Variants in BAZ1A observed in about 807,000 individuals in gnomAD.
BAZ1A encodes the protein bromodomain adjacent to zinc finger domain 1A.
In BAZ1A, 50 loss-of-function variants were observed where a neutral mutation model predicts 185.2. The observed-to-expected ratio is 0.27, with a 90% confidence interval of 0.22 to 0.34. BAZ1A has a LOEUF of 0.34. BAZ1A is among the 10% of genes least tolerant of loss of function. BAZ1A has a pLI of 1.00. For synonymous variants in BAZ1A, 571 were observed against 615.6 expected (o/e 0.93, Z 1.07); for missense variants, 1,356 against 1,839.9 (o/e 0.74, Z 4.81).
chr14:34,828,070 G>A (rs1420428853), intron 3 of BAZ1A, among the ~76,000 whole-genome samples: 4 of 151,998 alleles, frequency 2.6e-5, no homozygotes, highest in East Asian at 1.9e-4. Flanking sequence ...CGAGGCGGGC[G>A]GATCACCTGA....
At chr14:34,866,509 A>C (rs2042863807) in intron 2 of BAZ1A, among the ~76,000 whole-genome samples, 1 of 141,424 alleles carries the variant, frequency 7.1e-6, no homozygotes, top group Non-Finnish European at 1.6e-5. Context: ...AAAAGAAAAA[A>C]GTTCTAACTT....
intron 4 of BAZ1A, among the ~76,000 whole-genome samples, chr14:34,823,637 G>A (rs1949737882): frequency 1.3e-5 from 2 of 152,004 alleles, no homozygotes; most frequent in Non-Finnish European, 2.9e-5. Flanking sequence ...CTCCAGCCTG[G>A]GCAACAAGAG....
intron 3 of BAZ1A, among the ~76,000 whole-genome samples, chr14:34,828,393 CTT>C (rs942790898): frequency 2.6e-5 from 4 of 152,026 alleles, no homozygotes; most frequent in Non-Finnish European, 5.9e-5. Flanking sequence ...CACACTCCCT[CTT>C]GTTCCAAATT....
chr14:34,752,960 C>G lies in BAZ1A; in HGVS notation c.*548G>C, dbSNP rs1271436004. 1 of 152,554 alleles carries G rather than the reference C, an allele frequency of 6.6e-6. No individual in the cohort carries two copies. The highest frequency in any genetic ancestry group is 1.9e-4 in the East Asian group (1 of 5,202). The allele number at this position is 152,554 out of a possible 1,614,324, so 9.5% of individuals were successfully genotyped here. On this transcript the variant is annotated 3_prime_UTR_variant, in exon 27 of 27. Transcript: ENST00000360310. ...ATACAAAACAAATTCACAAATTACTCTCAATACTAAATAAATATCTAGTTA... is the reference window on the plus strand; with the variant it reads ...ATACAAAACAAATTCACAAATTACTGTCAATACTAAATAAATATCTAGTTA...
At position 34,753,527 on chromosome 14, in the gene BAZ1A, G is replaced by A. The variant is rs1387047704; in HGVS notation, c.4652C>T (p.Ala1551Val). ...ACAAAGTCAGATTCGTGACTTTTTCGCAGCCGGTGGTGTGCTAACTTGGTC... is the reference window on the plus strand; with the variant it reads ...ACAAAGTCAGATTCGTGACTTTTTCACAGCCGGTGGTGTGCTAACTTGGTC... Reference protein sequence around the residue: ...NVDQVSTPPAAKKSRI With the variant: ...NVDQVSTPPAVKKSRI Residue 1551 changes from alanine to valine, a missense_variant, in exon 27 of 27, where the codon GCG becomes GTG. Physicochemically the swap from Ala to Val is moderately conservative, Grantham distance 64. Coordinates refer to ENST00000360310, the MANE Select transcript of BAZ1A (RefSeq NM_013448.3). The A allele has an allele frequency of 3.7e-6, 6 of 1,613,692 alleles. No homozygotes were observed. In the African/African-American group the frequency reaches 6.7e-5, roughly 18 times the overall value.
chr14:34,798,094 T>G (rs1230389428), intron 9 of BAZ1A, among the ~76,000 whole-genome samples: 2 of 152,254 alleles, frequency 1.3e-5, no homozygotes, highest in Non-Finnish European at 2.9e-5. Flanking sequence ...GAGATCGACC[T>G]GCGAGGCAGT....
intron 3 of BAZ1A, among the ~76,000 whole-genome samples, chr14:34,858,505 G>C (rs1015458911): frequency 6.6e-6 from 1 of 152,048 alleles, no homozygotes; most frequent in African/African-American, 2.4e-5. Flanking sequence ...TGTAGAGATG[G>C]GGTTTTGCCA....
intron 3 of BAZ1A, among the ~76,000 whole-genome samples, chr14:34,858,470 AC>A (rs907377475): frequency 4.6e-5 from 7 of 152,076 alleles, no homozygotes; most frequent in African/African-American, 1.7e-4. Context: ...AGAAGAAAAA[AC>A]ATCCAGCTAA....
intron 23 of BAZ1A, among the ~76,000 whole-genome samples, chr14:34,763,660 C>T (rs1878594913): frequency 6.6e-6 from 1 of 152,114 alleles, no homozygotes; most frequent in Non-Finnish European, 1.5e-5. Flanking sequence ...CTGCATCAAG[C>T]AAGTTTATTG....
At position 34,773,576 on chromosome 14, in the gene BAZ1A, C is replaced by G. The variant is rs1280241338; in HGVS notation, c.3148G>C (p.Asp1050His). 1.3e-5 allele frequency: 21 copies of G among 1,593,782 alleles called. No homozygotes were observed. The highest frequency in any genetic ancestry group is 1.8e-5 in the Non-Finnish European group (21 of 1,172,652). Residue 1050 changes from aspartate to histidine, a missense_variant, in exon 20 of 27, where the codon GAC becomes CAC. By Grantham distance (81) the Asp-to-His change is moderately conservative (BLOSUM62 -1). Coordinates refer to ENST00000360310, the MANE Select transcript of BAZ1A (RefSeq NM_013448.3). ...IDEQTKVIVKDRLLGIKTETP... is the reference protein window; with the variant it reads ...IDEQTKVIVKHRLLGIKTETP... ...TTTAGAAAAATCTTTTTGTACCTGT[C>G]TTTTACTATGACCTTTGTTTGTTCA...
chr14:34,788,469 AG>A (rs1880635438), intron 12 of BAZ1A, among the ~76,000 whole-genome samples: 1 of 151,740 alleles, frequency 6.6e-6, no homozygotes, highest in African/African-American at 2.4e-5. Context: ...ATGCCCACCT[AG>A]TTTTTGTATT....
chr14:34,854,567 C>T (rs7140903), intron 3 of BAZ1A, among the ~76,000 whole-genome samples: 65,983 of 151,970 alleles, frequency 0.43, 14,699 homozygotes, highest in South Asian at 0.54. Context: ...CAGTATTACT[C>T]CCCCAGTAAA....
rs1309925451 is a variant in BAZ1A at position 34,792,757 on chromosome 14, A to G, written c.1510+18T>C. 1.1e-5 allele frequency: 18 copies of G among 1,611,052 alleles called. No homozygotes were observed. The highest frequency in any genetic ancestry group is 1.4e-5 in the Non-Finnish European group (17 of 1,179,346). On this transcript the variant is annotated intron_variant, in intron 12 of 26. Coordinates refer to ENST00000360310, the MANE Select transcript of BAZ1A (RefSeq NM_013448.3). Reference sequence around the variant, plus strand: ...CAAAACTACTATGGTTCAATCAGCAATAATGTTGAACTCTGACCTTTGGTG... The same window carrying G: ...CAAAACTACTATGGTTCAATCAGCAGTAATGTTGAACTCTGACCTTTGGTG...
At chr14:34,754,084 C>A (rs1476081951) in intron 26 of BAZ1A, among the ~76,000 whole-genome samples, 1 of 151,102 alleles carries the variant, frequency 6.6e-6, no homozygotes, top group Admixed American at 6.6e-5. Context: ...GAAACCCCAT[C>A]TCTACTAAAA....
At chr14:34,832,922 T>A (rs2042271581) in intron 3 of BAZ1A, among the ~76,000 whole-genome samples, 1 of 152,282 alleles carries the variant, frequency 6.6e-6, no homozygotes, top group South Asian at 2.1e-4. Context: ...TAAGTGTCCA[T>A]CAACAGATGA....
chr14:34,796,181 C>T (rs1347690198), intron 9 of BAZ1A, among the ~76,000 whole-genome samples: 2 of 151,564 alleles, frequency 1.3e-5, no homozygotes, highest in East Asian at 3.9e-4. Flanking sequence ...CACACACACA[C>T]ACACACACAC....
chr14:34,862,064 G>T lies in BAZ1A; in HGVS notation c.372C>A (p.Val124=). The change falls in exon 3 of 27, where the codon GTC becomes GTA. Residue 124 remains valine, a synonymous_variant. Coordinates refer to ENST00000360310, the MANE Select transcript of BAZ1A (RefSeq NM_013448.3). ...TTTACCTTGCACCATTGTTCCTAAT[G>T]ACTTCCACAGTTTCTTCGACAAAAT... is the stretch of plus-strand genomic sequence containing the variant. ...DRYFVEETVE[V]IRNNGARLQC... 6.2e-7 allele frequency: 1 copy of T among 1,614,076 alleles called. No homozygotes were observed. The highest frequency in any genetic ancestry group is 1.1e-5 in the South Asian group (1 of 91,060).
intron 26 of BAZ1A, 107 bp downstream of exon 26, chr14:34,754,720 G>A: frequency 2.9e-6 from 2 of 680,672 alleles, no homozygotes; most frequent in South Asian, 4.1e-5. Context: ...CATCCTTTTA[G>A]TAACAGAAAA....
Position 34,832,211 on chromosome 14 carries a change from C to CATATATATAT in BAZ1A, c.393-6056_393-6055insATATATATAT, listed in dbSNP as rs1181710627. On this transcript the variant is annotated intron_variant, in intron 3 of 26. Transcript: ENST00000360310. ...ACATATACACACACACACACACACA[C>CATATATATAT]ACACATATATATATATATATGTATG... Among the ~76,000 whole-genome samples, 288 of 65,472 alleles carry CATATATATAT rather than the reference C, an allele frequency of 4.4e-3. 1 individual carries two copies. Among genetic ancestry groups the CATATATATAT allele is most frequent in the African/African-American group, 0.013 (274 of 20,402 alleles). The allele number at this position is 65,472 out of a possible 152,430, so 43.0% of individuals were successfully genotyped here.
Sources: allele counts gnomAD v4.1 joint callset (sites outside exome capture counted in the v4.1 genomes callset), GRCh38; gene constraint gnomAD v4.1.1; transcripts MANE v1.5; gene names NCBI Gene and HGNC (gene_info 2026-07-23, HGNC 2026-07-21).